MPC1: variants seen among roughly 807,000 people sequenced by gnomAD.
The protein encoded by MPC1 is HSPC040 protein.
A neutral mutation model predicts 13.9 loss-of-function variants in MPC1; 6 were observed. That is an observed-to-expected ratio of 0.43 (90% confidence interval 0.24 to 0.85). MPC1 has a LOEUF of 0.85. Among genes scored for constraint, MPC1 ranks in the 40% least tolerant of loss-of-function variants. MPC1 has a pLI of 0.24. For missense variants in MPC1, 115 were observed against 143.3 expected, an observed-to-expected ratio of 0.80 and a Z score of 1.01; for synonymous variants, 47 against 50.5, an observed-to-expected ratio of 0.93 and a Z score of 0.29.
intron 1 of MPC1, 125 bp downstream of exon 1, chr6:166,382,681 G>C (rs950804669): frequency 6.5e-5 from 64 of 985,960 alleles, no homozygotes; most frequent in Non-Finnish European, 8.8e-5. Flanking sequence ...CTCTCGCCTG[G>C]GCCCCGGCCC....
chr6:166,379,486 CCTGT>C (rs1779688680), intron 1 of MPC1, among the ~76,000 whole-genome samples: 1 of 151,740 alleles, frequency 6.6e-6, no homozygotes, highest in South Asian at 2.1e-4. Context: ...AGAGTAATAC[CCTGT>C]CTCTAAATAA....
In MPC1 at chr6:166,365,485, G is replaced by C; in HGVS notation, c.306-32C>G. On this transcript the variant is annotated intron_variant, in intron 4 of 4. Coordinates refer to ENST00000360961, the MANE Select transcript of MPC1 (RefSeq NM_016098.4). This position sits in a 1 kb window ranked among gnomAD's most constrained non-coding sequence, Gnocchi z 4.2. ...AGAAACAAAAAGAAAAATTCAATGA[G>C]AAACAAAATTTCAATGCCAATCGCA... The C allele has an allele frequency of 1.9e-6, 3 of 1,554,480 alleles. No individual in the cohort carries two copies. Among genetic ancestry groups the C allele is most frequent in the Non-Finnish European group, 2.6e-6 (3 of 1,149,144 alleles).
chr6:166,376,596 A>G (rs1183611534), intron 1 of MPC1, among the ~76,000 whole-genome samples: 1 of 152,230 alleles, frequency 6.6e-6, no homozygotes, highest in Non-Finnish European at 1.5e-5. Flanking sequence ...CTGCATAAAC[A>G]TGCCCAGAAA....
At chr6:166,379,085 G>GT (rs940111729) in intron 1 of MPC1, among the ~76,000 whole-genome samples, 3 of 152,126 alleles carry the variant, frequency 2.0e-5, no homozygotes, top group Non-Finnish European at 4.4e-5. Context: ...TTTTCCAGCT[G>GT]TTTTTTCACA....
chr6:166,382,320 G>A (rs1441408008), intron 1 of MPC1, among the ~76,000 whole-genome samples: 5 of 150,440 alleles, frequency 3.3e-5, no homozygotes, highest in African/African-American at 1.2e-4. Context: ...CACTCTGGCC[G>A]GGAAGGGCGT....
chr6:166,372,779 T>C (rs940583140), intron 1 of MPC1, among the ~76,000 whole-genome samples: 4 of 151,342 alleles, frequency 2.6e-5, no homozygotes, highest in African/African-American at 9.7e-5. Context: ...ATAAGCCACA[T>C]ATAAACTGCA....
intron 2 of MPC1, among the ~76,000 whole-genome samples, chr6:166,368,573 A>AG (rs1779258668): frequency 6.6e-6 from 1 of 151,424 alleles, no homozygotes; most frequent in Non-Finnish European, 1.5e-5. Context: ...AAAAAAAAAA[A>AG]AAAGAAAATG....
At chr6:166,382,204 C>A (rs570836000) in intron 1 of MPC1, among the ~76,000 whole-genome samples, 1 of 152,120 alleles carries the variant, frequency 6.6e-6, no homozygotes, top group South Asian at 2.1e-4. Context: ...TGCCGGGTCA[C>A]CCTGCCCTGA....
chr6:166,380,960 A>G (rs866941159), intron 1 of MPC1, among the ~76,000 whole-genome samples: 31 of 150,244 alleles, frequency 2.1e-4, no homozygotes, highest in South Asian at 6.2e-4. Flanking sequence ...AAAAAAAAAA[A>G]AAAAGAAAAG....
At chr6:166,369,908 T>G (rs1779310871) in intron 2 of MPC1, 1 of 490,298 alleles carries the variant, frequency 2.0e-6, no homozygotes, top group South Asian at 2.0e-5. Context: ...CTTCTTTTCC[T>G]GCTTTCTCTT....
chr6:166,379,852 T>G (rs1779704260), intron 1 of MPC1, among the ~76,000 whole-genome samples: 1 of 152,252 alleles, frequency 6.6e-6, no homozygotes, highest in African/African-American at 2.4e-5. Context: ...GCTGTAAGCG[T>G]AAAGCTTGGA....
At chr6:166,382,135 T>C (rs1057061960) in intron 1 of MPC1, among the ~76,000 whole-genome samples, 18 of 152,172 alleles carry the variant, frequency 1.2e-4, no homozygotes, top group Admixed American at 4.6e-4. Flanking sequence ...CACTGTCAAC[T>C]GGCCCGGAGG....
At chr6:166,376,232 A>C (rs1779566676) in intron 1 of MPC1, among the ~76,000 whole-genome samples, 2 of 152,258 alleles carry the variant, frequency 1.3e-5, no homozygotes, top group East Asian at 1.9e-4. Context: ...AGAAGTAATA[A>C]GTTTCACAAG....
intron 1 of MPC1, among the ~76,000 whole-genome samples, chr6:166,373,801 G>A (rs1168426122): frequency 6.6e-6 from 1 of 152,176 alleles, no homozygotes; most frequent in Non-Finnish European, 1.5e-5. Flanking sequence ...ATGTTTAGTG[G>A]TATCTTGTTT....
intron 1 of MPC1, among the ~76,000 whole-genome samples, chr6:166,376,987 ATATTTGTTACTG>A (rs1396074311): frequency 1.3e-5 from 2 of 152,094 alleles, no homozygotes; most frequent in South Asian, 2.1e-4. Flanking sequence ...ACTATTTACC[ATATTTGTTACTG>A]TTTTCTATTT....
intron 3 of MPC1, 112 bp from the exon 4 acceptor site, chr6:166,366,218 C>A (rs898398676): frequency 4.8e-6 from 6 of 1,241,500 alleles, no homozygotes; most frequent in South Asian, 4.2e-5. Flanking sequence ...ACCTCTTCTG[C>A]GAAAGCCTTT....
chr6:166,376,855 A>G (rs968557673), intron 1 of MPC1, among the ~76,000 whole-genome samples: 1 of 152,230 alleles, frequency 6.6e-6, no homozygotes, highest in Non-Finnish European at 1.5e-5. Context: ...TTTACACTTA[A>G]AGTGGGTTTC....
chr6:166,367,463 G>GAC (rs1415733003), intron 2 of MPC1, among the ~76,000 whole-genome samples: 3 of 152,108 alleles, frequency 2.0e-5, no homozygotes, highest in African/African-American at 7.2e-5. Context: ...CAATGCCCAG[G>GAC]ACCCCAGACA....
intron 3 of MPC1, among the ~76,000 whole-genome samples, chr6:166,366,408 T>C (rs1368420683): frequency 2.0e-5 from 3 of 152,238 alleles, no homozygotes; most frequent in African/African-American, 7.2e-5. Context: ...TATAATCCAT[T>C]CATTATCTGA....
Sources: allele counts gnomAD v4.1 joint callset (sites outside exome capture counted in the v4.1 genomes callset), GRCh38; gene constraint gnomAD v4.1.1; non-coding constraint Gnocchi (gnomAD v3.1); transcripts MANE v1.5; gene names NCBI Gene and HGNC (gene_info 2026-07-23, HGNC 2026-07-21).